Variants in MACROD2 observed in about 807,000 individuals in gnomAD.
MACROD2 encodes the protein mono-ADP ribosylhydrolase 2.
A neutral mutation model predicts 70.4 loss-of-function variants in MACROD2; 36 were observed. The observed-to-expected ratio is 0.51, with a 90% CI of 0.39 to 0.68. The LOEUF is 0.68. MACROD2 is among the 30% of genes least tolerant of loss of function. MACROD2 has a pLI of 0.00. For missense variants in MACROD2, 496 were observed against 538.4 expected (o/e 0.92, Z 0.78); for synonymous variants, 172 against 178.8 (o/e 0.96, Z 0.30).
intron 5 of MACROD2, among the ~76,000 whole-genome samples, chr20:14,958,155 G>T (rs188015760): frequency 4.1e-4 from 63 of 152,264 alleles, no homozygotes; most frequent in African/African-American, 1.4e-3. Context: ...TTTCTAATGT[G>T]TATGTATTAC....
chr20:15,299,420 T>C (rs1222995107), intron 6 of MACROD2, among the ~76,000 whole-genome samples: 1 of 152,230 alleles, frequency 6.6e-6, no homozygotes. Flanking sequence ...GAACAGATTG[T>C]GACTGCTTCC....
At chr20:14,255,725 A>AT (rs1288687712) in intron 3 of MACROD2, among the ~76,000 whole-genome samples, 38 of 65,036 alleles carry the variant, frequency 5.8e-4, no homozygotes, top group Admixed American at 1.4e-3. Context: ...AAATAAATAA[A>AT]AAAGAAAATG....
At chr20:14,760,860 G>C (rs902489458) in intron 5 of MACROD2, among the ~76,000 whole-genome samples, 1 of 152,014 alleles carries the variant, frequency 6.6e-6, no homozygotes, top group Non-Finnish European at 1.5e-5. Flanking sequence ...GTTCAAAATC[G>C]AGCCCTGATT....
At chr20:14,899,011 A>G (rs532565341) in intron 5 of MACROD2, among the ~76,000 whole-genome samples, 1 of 152,296 alleles carries the variant, frequency 6.6e-6, no homozygotes, top group African/African-American at 2.4e-5. Flanking sequence ...CATATGTAGC[A>G]AATAATGCCA....
At chr20:15,366,703 C>A (rs1012899984) in intron 6 of MACROD2, among the ~76,000 whole-genome samples, 1 of 151,802 alleles carries the variant, frequency 6.6e-6, no homozygotes, top group Non-Finnish European at 1.5e-5. Context: ...GCACCTGCCA[C>A]CATGCCTGGC....
intron 10 of MACROD2, among the ~76,000 whole-genome samples, chr20:15,887,617 G>C (rs996351397): frequency 6.6e-6 from 1 of 152,096 alleles, no homozygotes. Context: ...ACAGGAATTG[G>C]TTGGTTAATA....
At chr20:13,999,885 G>A (rs1003174721) in intron 1 of MACROD2, among the ~76,000 whole-genome samples, 4 of 152,056 alleles carry the variant, frequency 2.6e-5, no homozygotes, top group African/African-American at 9.7e-5. Context: ...TTCCCTTAGT[G>A]CACCTGTAGT....
chr20:15,964,565 A>G (rs2147400021), intron 12 of MACROD2, among the ~76,000 whole-genome samples: 1 of 152,288 alleles, frequency 6.6e-6, no homozygotes, highest in African/African-American at 2.4e-5. Flanking sequence ...TTAGGGGGAC[A>G]CAAATATTCA....
At chr20:14,951,665 C>A (rs555028770) in intron 5 of MACROD2, among the ~76,000 whole-genome samples, 3 of 152,104 alleles carry the variant, frequency 2.0e-5, no homozygotes, top group African/African-American at 7.2e-5. Flanking sequence ...AGTAACCCAG[C>A]AACCCACTTC....
intron 6 of MACROD2, among the ~76,000 whole-genome samples, chr20:15,308,412 A>G (rs552506853): frequency 1.3e-5 from 2 of 152,354 alleles, no homozygotes; most frequent in African/African-American, 2.4e-5. Context: ...TGGATTAGCC[A>G]TATTTAACTT....
chr20:15,463,674 G>C (rs561153657), intron 7 of MACROD2, among the ~76,000 whole-genome samples: 1 of 152,052 alleles, frequency 6.6e-6, no homozygotes. Context: ...ATGTGAACCC[G>C]GGAGGCAGAG....
At chr20:15,984,935 G>T (rs2066457240) in intron 13 of MACROD2, among the ~76,000 whole-genome samples, 1 of 152,218 alleles carries the variant, frequency 6.6e-6, no homozygotes, top group East Asian at 1.9e-4. Flanking sequence ...GGGGGGAAGG[G>T]GGTCTAAAAC....
At chr20:14,381,418 A>C (rs1251174252) in intron 3 of MACROD2, among the ~76,000 whole-genome samples, 1 of 152,162 alleles carries the variant, frequency 6.6e-6, no homozygotes, top group Admixed American at 6.5e-5. Flanking sequence ...CAAGAAAAAA[A>C]TTTCCAATGA....
intron 15 of MACROD2, among the ~76,000 whole-genome samples, chr20:15,991,617 A>G (rs994164714): frequency 1.3e-5 from 2 of 152,192 alleles, no homozygotes; most frequent in Admixed American, 1.3e-4. Flanking sequence ...TACTATATAC[A>G]CTTGCATGTT....
At chr20:14,858,074 G>A (rs1019924633) in intron 5 of MACROD2, among the ~76,000 whole-genome samples, 1 of 152,164 alleles carries the variant, frequency 6.6e-6, no homozygotes, top group Non-Finnish European at 1.5e-5. Flanking sequence ...GCCTGCCTCC[G>A]CCCTCCAAAG....
chr20:15,486,270 T>C (rs1413170387), intron 7 of MACROD2, among the ~76,000 whole-genome samples: 2 of 152,164 alleles, frequency 1.3e-5, no homozygotes, highest in African/African-American at 2.4e-5. Context: ...CAGTCATCAC[T>C]CTGTGGCACA....
At chr20:15,759,465 T>G (rs73897887) in intron 8 of MACROD2, among the ~76,000 whole-genome samples, 2,979 of 152,260 alleles carry the variant, frequency 0.02, 67 homozygotes, top group African/African-American at 0.055. Flanking sequence ...TTGGCAATAA[T>G]TTACATGTTT....
At chr20:15,075,332 G>A (rs2075649760) in intron 5 of MACROD2, among the ~76,000 whole-genome samples, 1 of 152,284 alleles carries the variant, frequency 6.6e-6, no homozygotes, top group Non-Finnish European at 1.5e-5. Flanking sequence ...TATTTTATTA[G>A]TTCTCTGCTT....
At chr20:14,219,931 G>A (rs191251638) in intron 3 of MACROD2, among the ~76,000 whole-genome samples, 17 of 152,224 alleles carry the variant, frequency 1.1e-4, no homozygotes, top group Non-Finnish European at 2.2e-4. Flanking sequence ...TGGAGGTGGC[G>A]GGGTGGGGGG....
Sources: gnomAD v4.1 joint callset for allele counts (sites outside exome capture counted in the v4.1 genomes callset) on GRCh38, gnomAD v4.1.1 for gene constraint, MANE v1.5 for transcripts, NCBI Gene and HGNC (gene_info 2026-07-23, HGNC 2026-07-21) for gene names.